GAREM1: variants seen among roughly 807,000 people sequenced by gnomAD.
GAREM1 encodes GRB2-associated and regulator of MAPK protein 1.
A neutral mutation model predicts 71.3 loss-of-function variants in GAREM1; 26 were observed. The observed-to-expected ratio is 0.36, with a 90% CI of 0.27 to 0.51. The LOEUF (loss-of-function observed/expected upper bound fraction) is 0.51, where lower values mean the gene tolerates loss of function less well. Ranked by LOEUF, GAREM1 falls within the 20% of genes least tolerant of loss-of-function variation. The pLI is 0.95. For synonymous variants in GAREM1, 440 were observed against 433.2 expected, an observed-to-expected ratio of 1.02 and a Z score of -0.20; for missense variants, 1,026 against 1,103.1, an observed-to-expected ratio of 0.93 and a Z score of 0.99.
intron 4 of GAREM1, among the ~76,000 whole-genome samples, chr18:32,276,993 A>C (rs890450354): frequency 6.6e-6 from 1 of 152,200 alleles, no homozygotes; most frequent in Admixed American, 6.5e-5. Context: ...GCAGGGGAAC[A>C]ACAGTGCAAA....
chr18:32,446,197 C>T (rs537400685), intron 1 of GAREM1, among the ~76,000 whole-genome samples: 1 of 151,262 alleles, frequency 6.6e-6, no homozygotes, highest in African/African-American at 2.4e-5. Flanking sequence ...ATAGTCTATC[C>T]ATTTCTCAGA....
intron 1 of GAREM1, among the ~76,000 whole-genome samples, chr18:32,394,770 T>C (rs369076625): frequency 6.6e-6 from 1 of 152,146 alleles, no homozygotes; most frequent in East Asian, 1.9e-4. Flanking sequence ...ATATGCACAG[T>C]AGGCAGGAAT....
At chr18:32,421,232 T>A (rs910667360) in intron 1 of GAREM1, among the ~76,000 whole-genome samples, 5 of 152,226 alleles carry the variant, frequency 3.3e-5, no homozygotes, top group African/African-American at 1.2e-4. Context: ...CTGGATTAAA[T>A]GTGTGTGTAA....
chr18:32,334,777 C>A (rs2047572841), intron 2 of GAREM1, among the ~76,000 whole-genome samples: 1 of 152,292 alleles, frequency 6.6e-6, no homozygotes, highest in African/African-American at 2.4e-5. Flanking sequence ...TCCGATAGAT[C>A]ACTTCTCTGC....
At chr18:32,404,753 G>A (rs1567998066) in intron 1 of GAREM1, among the ~76,000 whole-genome samples, 1 of 151,992 alleles carries the variant, frequency 6.6e-6, no homozygotes, top group Non-Finnish European at 1.5e-5. Context: ...TTCCTCATTA[G>A]CCTGGTTTTT....
Position 32,382,745 on chromosome 18 carries a change from T to C in GAREM1, c.262+10150A>G, listed in dbSNP as rs972748449. 2.0e-5 allele frequency among the ~76,000 whole-genome samples: 3 copies of C among 152,060 alleles called. No individual in the cohort carries two copies. In the East Asian group the frequency reaches 5.8e-4, roughly 29 times the overall value. On this transcript the variant is annotated intron_variant, in intron 2 of 5. Coordinates refer to ENST00000269209, the MANE Select transcript of GAREM1 (RefSeq NM_001242409.2). ...TTTAGAGCAAGGGAGACACAGTCAC[T>C]GTAGGCTGGAAAGGAGGAGCAGTTT...
At chr18:32,384,758 A>T (rs757203494) in intron 2 of GAREM1, among the ~76,000 whole-genome samples, 4 of 152,232 alleles carry the variant, frequency 2.6e-5, no homozygotes, top group African/African-American at 4.8e-5. Flanking sequence ...TTGAGTTATT[A>T]TTAAGCAATG....
chr18:32,414,278 A>G (rs1216389787), intron 1 of GAREM1, among the ~76,000 whole-genome samples: 4 of 152,164 alleles, frequency 2.6e-5, no homozygotes, highest in Non-Finnish European at 4.4e-5. Context: ...CACTGTGTCA[A>G]CTTGATCCAG....
intron 1 of GAREM1, among the ~76,000 whole-genome samples, chr18:32,431,623 G>T (rs1008689244): frequency 6.6e-6 from 1 of 152,074 alleles, no homozygotes; most frequent in African/African-American, 2.4e-5. Flanking sequence ...GCAAAACTCC[G>T]TCTCAAAAAT....
At chr18:32,354,989 T>G (rs1450663752) in intron 2 of GAREM1, among the ~76,000 whole-genome samples, 1 of 152,164 alleles carries the variant, frequency 6.6e-6, no homozygotes, top group South Asian at 2.1e-4. Context: ...GGAGGAGAGA[T>G]TAACAGCTGT....
chr18:32,456,102 T>A lies in GAREM1; in HGVS notation c.121+14206A>T, dbSNP rs556374060. Among the ~76,000 whole-genome samples the A allele has an allele frequency of 4.9e-4, 74 of 152,244 alleles. 1 individual carries two copies. The highest frequency in any genetic ancestry group is 8.3e-4 in the South Asian group (4 of 4,822). On this transcript the variant is annotated intron_variant, in intron 1 of 5. Coordinates refer to ENST00000269209, the MANE Select transcript of GAREM1 (RefSeq NM_001242409.2). Reference sequence around the variant, plus strand: ...GTGTCAGGGGGACCTTTCTTAGGATTGAAAACAGGAATAAGAGACTTCTCT... The same window carrying A: ...GTGTCAGGGGGACCTTTCTTAGGATAGAAAACAGGAATAAGAGACTTCTCT...
At chr18:32,363,710 T>C (rs116819400) in intron 2 of GAREM1, among the ~76,000 whole-genome samples, 3 of 151,930 alleles carry the variant, frequency 2.0e-5, no homozygotes, top group African/African-American at 4.8e-5. Flanking sequence ...TGGAACACTG[T>C]GAACTTTTTG....
At chr18:32,443,267 T>C (rs1027358050) in intron 1 of GAREM1, among the ~76,000 whole-genome samples, 2 of 152,106 alleles carry the variant, frequency 1.3e-5, no homozygotes, top group Non-Finnish European at 2.9e-5. Context: ...CAAAAACATA[T>C]GCAACAGAAG....
intron 2 of GAREM1, among the ~76,000 whole-genome samples, chr18:32,370,825 A>C (rs1228296378): frequency 6.6e-6 from 1 of 152,160 alleles, no homozygotes; most frequent in Non-Finnish European, 1.5e-5. Context: ...TTATGTTCAA[A>C]CTACCTGCTG....
intron 2 of GAREM1, among the ~76,000 whole-genome samples, chr18:32,374,211 G>A (rs1471987064): frequency 2.0e-5 from 3 of 152,174 alleles, no homozygotes; most frequent in African/African-American, 7.2e-5. Context: ...GGCAAAATGA[G>A]GTCACACAGT....
rs931770976 is a variant in GAREM1 at position 32,265,714 on chromosome 18, G to C, written c.*2157C>G. The C allele has an allele frequency of 1.3e-5, 2 of 152,010 alleles. No individual in the cohort carries two copies. Among genetic ancestry groups the C allele is most frequent in the African/African-American group, 4.8e-5 (2 of 41,326 alleles). 9.4% of individuals were successfully genotyped at this position (152,010 alleles called of 1,614,324 possible). A position where few individuals can be genotyped will look rare whatever the true frequency, so the allele number is the denominator to read the frequency against. On this transcript the variant is annotated 3_prime_UTR_variant, in exon 6 of 6. Coordinates refer to ENST00000269209, the MANE Select transcript of GAREM1 (RefSeq NM_001242409.2). ...AAGTTTTTACAAAAAGAAAAAAAAC[G>C]CTAAAAGGAGTCAGTTGTTTATGTG...
rs1010251549 is a variant in GAREM1, at chr18:32,264,394, A to T, written c.*3477T>A. ...TACTTGCTAGGCACGATGAGTAGTG[A>T]CTTATACAAAGTGTTTAGAAAATGA... On this transcript the variant is annotated 3_prime_UTR_variant, in exon 6 of 6. Coordinates refer to ENST00000269209, the MANE Select transcript of GAREM1 (RefSeq NM_001242409.2). 7.9e-5 allele frequency: 12 copies of T among 152,166 alleles called. No individual in the cohort carries two copies. The highest frequency in any genetic ancestry group is 1.6e-4 in the Non-Finnish European group (11 of 68,028). The allele number at this position is 152,166 out of a possible 1,614,324, so 9.4% of individuals were successfully genotyped here.
At chr18:32,384,336 T>C (rs1381148122) in intron 2 of GAREM1, among the ~76,000 whole-genome samples, 2 of 152,190 alleles carry the variant, frequency 1.3e-5, no homozygotes, top group African/African-American at 2.4e-5. Flanking sequence ...CTTTCACCCC[T>C]AGAAAAATTA....
chr18:32,422,027 T>C (rs1339787355), intron 1 of GAREM1, among the ~76,000 whole-genome samples: 1 of 152,122 alleles, frequency 6.6e-6, no homozygotes, highest in Non-Finnish European at 1.5e-5. Context: ...TTAGGGTACA[T>C]GTGCACAACA....
Sources: allele counts gnomAD v4.1 joint callset (sites outside exome capture counted in the v4.1 genomes callset), GRCh38; gene constraint gnomAD v4.1.1; transcripts MANE v1.5; gene names NCBI Gene and HGNC (gene_info 2026-07-23, HGNC 2026-07-21).